Variants in TRIP4 observed in about 807,000 individuals in gnomAD.
The protein encoded by TRIP4 is activating signal cointegrator 1.
TRIP4 carries 54 observed loss-of-function variants against 81.8 expected under a neutral mutation model. That is an observed-to-expected ratio of 0.66 (90% CI 0.53 to 0.83). The LOEUF is 0.83. Among genes scored for constraint, TRIP4 ranks in the 40% least tolerant of loss-of-function variants. The pLI, the probability that TRIP4 is intolerant of heterozygous loss-of-function variation, is 0.00. For synonymous variants in TRIP4, 270 were observed against 242.8 expected (o/e 1.11, Z -1.04); for missense variants, 662 against 683.6 (o/e 0.97, Z 0.35).
At chr15:64,407,912 C>T (rs889638108) in intron 6 of TRIP4, among the ~76,000 whole-genome samples, 5 of 151,928 alleles carry the variant, frequency 3.3e-5, no homozygotes, top group African/African-American at 7.3e-5. Flanking sequence ...GCCTGGGCAG[C>T]ATAGCAAAAC....
chr15:64,401,239 A>G (rs894146567), intron 5 of TRIP4, among the ~76,000 whole-genome samples: 2 of 151,864 alleles, frequency 1.3e-5, no homozygotes, highest in East Asian at 1.9e-4. Flanking sequence ...GGTTCAAGCA[A>G]TTCTCCTGCC....
intron 5 of TRIP4, among the ~76,000 whole-genome samples, chr15:64,403,649 A>G (rs1352352474): frequency 6.6e-6 from 1 of 152,172 alleles, no homozygotes; most frequent in East Asian, 1.9e-4. Flanking sequence ...ATTAGCTGCC[A>G]TCTTGCTATA....
At chr15:64,390,533 A>G (rs983448238) in intron 1 of TRIP4, among the ~76,000 whole-genome samples, 1 of 151,946 alleles carries the variant, frequency 6.6e-6, no homozygotes, top group Non-Finnish European at 1.5e-5. Flanking sequence ...GGTAAGAATG[A>G]TAGATGTAGT....
At chr15:64,408,785 T>C (rs1891692415) in intron 6 of TRIP4, among the ~76,000 whole-genome samples, 1 of 152,194 alleles carries the variant, frequency 6.6e-6, no homozygotes. Context: ...TTCCAGGTTT[T>C]AGTGTCTCTG....
At chr15:64,414,249 T>C in intron 8 of TRIP4, 38 bp downstream of exon 8, 2 of 1,609,284 alleles carry the variant, frequency 1.2e-6, no homozygotes, top group African/African-American at 1.3e-5. Context: ...ATAAGAAGTT[T>C]GGCCCCAATT....
chr15:64,400,956 T>TG, intron 5 of TRIP4, 135 bp downstream of exon 5: 1 of 641,408 alleles, frequency 1.6e-6, no homozygotes, highest in Non-Finnish European at 2.7e-6. Flanking sequence ...GGGGGTTTTT[T>TG]TTGTTTTGTT....
intron 11 of TRIP4, among the ~76,000 whole-genome samples, chr15:64,431,230 A>G (rs1047586190): frequency 6.6e-6 from 1 of 152,130 alleles, no homozygotes; most frequent in Non-Finnish European, 1.5e-5. Context: ...AAATCTGCCA[A>G]TATATAGACC....
chr15:64,419,045 G>GA (rs1211568967), intron 9 of TRIP4, among the ~76,000 whole-genome samples: 6 of 152,118 alleles, frequency 3.9e-5, no homozygotes, highest in Admixed American at 6.5e-5. Flanking sequence ...GAAATCTATT[G>GA]AAAAATCTTC....
At chr15:64,449,046 C>T (rs1892693962) in intron 12 of TRIP4, among the ~76,000 whole-genome samples, 1 of 151,268 alleles carries the variant, frequency 6.6e-6, no homozygotes, top group Non-Finnish European at 1.5e-5. Flanking sequence ...CCTGTCTCTA[C>T]AAAAAAATAA....
intron 9 of TRIP4, among the ~76,000 whole-genome samples, chr15:64,419,870 C>T (rs1275620094): frequency 2.0e-5 from 3 of 151,906 alleles, no homozygotes; most frequent in African/African-American, 7.3e-5. Context: ...GGCTAGAGTG[C>T]AGTGGCCTGA....
At chr15:64,390,282 C>T (rs948937203) in intron 1 of TRIP4, among the ~76,000 whole-genome samples, 40 of 144,370 alleles carry the variant, frequency 2.8e-4, no homozygotes, top group Middle Eastern at 4.3e-3. Context: ...GCCAACATGG[C>T]GAAACCCCCA....
At chr15:64,398,424 CAAAAAAAA>C (rs745672952) in intron 4 of TRIP4, among the ~76,000 whole-genome samples, 321 of 16,300 alleles carry the variant, frequency 0.02, 1 homozygote, top group Non-Finnish European at 0.047. Flanking sequence ...CCTGTCTCTA[CAAAAAAAA>C]AAAAAAAAAA....
intron 11 of TRIP4, among the ~76,000 whole-genome samples, chr15:64,437,107 A>G (rs913024604): frequency 2.0e-5 from 3 of 151,780 alleles, no homozygotes; most frequent in Non-Finnish European, 2.9e-5. Flanking sequence ...ATAAATAGAG[A>G]GGGAGACAAT....
chr15:64,450,806 G>A (rs1892741817), intron 12 of TRIP4: 1 of 454,176 alleles, frequency 2.2e-6, no homozygotes, highest in Non-Finnish European at 4.4e-6. Flanking sequence ...ACAATTGAGT[G>A]TTTTATTCTG....
intron 11 of TRIP4, among the ~76,000 whole-genome samples, chr15:64,444,341 G>C (rs2140312687): frequency 6.6e-6 from 1 of 152,282 alleles, no homozygotes; most frequent in Middle Eastern, 3.4e-3. Context: ...TCTAGGTTCT[G>C]TGTCTGTTTT....
chr15:64,405,948 C>T (rs144579283), intron 5 of TRIP4, among the ~76,000 whole-genome samples: 1 of 152,312 alleles, frequency 6.6e-6, no homozygotes, highest in African/African-American at 2.4e-5. Flanking sequence ...GCTATGATCA[C>T]ACTACTGCAC....
chr15:64,406,362 AC>A lies in TRIP4; in HGVS notation c.732del (p.Lys245ArgfsTer26). On this transcript the variant is annotated frameshift_variant, in exon 6 of 13. Coordinates refer to ENST00000261884, the MANE Select transcript of TRIP4 (RefSeq NM_016213.5). LOFTEE classifies it high-confidence loss of function. ...GAATTCTGGAAAGGTGGACATCTCT[AC>A]CAAGGACCTTCTTCCTCATCAAGAA... ...VENSGKVDIS[T>X]KDLLPHQELR... 1 of 1,614,174 alleles carries A rather than the reference AC, an allele frequency of 6.2e-7. No individual in the cohort carries two copies. The highest frequency in any genetic ancestry group is 8.5e-7 in the Non-Finnish European group (1 of 1,180,028).
intron 10 of TRIP4, among the ~76,000 whole-genome samples, chr15:64,425,039 A>G (rs1892109654): frequency 6.6e-6 from 1 of 152,136 alleles, no homozygotes; most frequent in African/African-American, 2.4e-5. Context: ...GGCCTCCAAA[A>G]GTGCTGGGGT....
chr15:64,407,474 T>C (rs1421027183), intron 6 of TRIP4, among the ~76,000 whole-genome samples: 1 of 151,762 alleles, frequency 6.6e-6, no homozygotes, highest in Non-Finnish European at 1.5e-5. Context: ...CAGACCATCC[T>C]GGCTAACACA....
Sources: gnomAD v4.1 joint callset for allele counts (sites outside exome capture counted in the v4.1 genomes callset) on GRCh38, gnomAD v4.1.1 for gene constraint, MANE v1.5 for transcripts, NCBI Gene and HGNC (gene_info 2026-07-23, HGNC 2026-07-21) for gene names.